The following RGS20 variants were observed in gnomAD, a reference collection of about 807,000 sequenced individuals.
RGS20 encodes the protein regulator of G protein signaling 20.
RGS20 carries 30 observed loss-of-function variants against 33.6 expected under a neutral mutation model. The ratio of observed to expected loss-of-function variants is 0.89; its 90% CI spans 0.67 to 1.21. The LOEUF (loss-of-function observed/expected upper bound fraction) is 1.21, where lower values mean the gene tolerates loss of function less well. Among genes scored for constraint, RGS20 ranks in the 50% most tolerant of loss-of-function variants. The pLI, the probability that RGS20 is intolerant of heterozygous loss-of-function variation, is 0.00. For missense variants in RGS20, 472 were observed against 502.4 expected (o/e 0.94, Z 0.58); for synonymous variants, 208 against 197.9 (o/e 1.05, Z -0.43).
At chr8:53,950,242 G>A (rs563639009) in intron 4 of RGS20, among the ~76,000 whole-genome samples, 1 of 152,278 alleles carries the variant, frequency 6.6e-6, no homozygotes, top group Admixed American at 6.5e-5. Context: ...AAAAATTGAT[G>A]ATTGAAATAG....
Position 53,892,863 on chromosome 8 carries a change from A to G in RGS20, c.510+13261A>G, listed in dbSNP as rs571259375. Reference sequence around the variant, plus strand: ...CACCATTTGAACAATGTTCTTTTAAAAAAACTTAATATAAAAGACCTGTAC... The same window carrying G: ...CACCATTTGAACAATGTTCTTTTAAGAAAACTTAATATAAAAGACCTGTAC... On this transcript the variant is annotated intron_variant, in intron 2 of 5. Coordinates refer to ENST00000297313, the MANE Select transcript of RGS20 (RefSeq NM_170587.4). 8.5e-5 allele frequency among the ~76,000 whole-genome samples: 13 copies of G among 152,282 alleles called. No homozygotes were observed. In the South Asian group the frequency reaches 2.7e-3, roughly 32 times the overall value.
At chr8:53,919,591 T>TC (rs1258389646) in intron 2 of RGS20, among the ~76,000 whole-genome samples, 1 of 151,418 alleles carries the variant, frequency 6.6e-6, no homozygotes, top group Non-Finnish European at 1.5e-5. Flanking sequence ...TAACATTTTT[T>TC]CTTTTTTTTT....
intron 4 of RGS20, among the ~76,000 whole-genome samples, chr8:53,950,389 T>G (rs1814676193): frequency 6.6e-6 from 1 of 152,130 alleles, no homozygotes; most frequent in Admixed American, 6.6e-5. Context: ...AGATTTCAGA[T>G]TTTTTCAGAT....
At chr8:53,925,384 A>G (rs1813762791) in intron 2 of RGS20, among the ~76,000 whole-genome samples, 1 of 149,590 alleles carries the variant, frequency 6.7e-6, no homozygotes, top group African/African-American at 2.4e-5. Flanking sequence ...AACCAGGAGT[A>G]AAAAAAAAAT....
intron 5 of RGS20, among the ~76,000 whole-genome samples, chr8:53,957,889 G>A (rs573915181): frequency 2.0e-5 from 3 of 152,338 alleles, no homozygotes; most frequent in South Asian, 2.1e-4. Flanking sequence ...GCTCATGCCT[G>A]TAATCCCAGC....
chr8:53,867,739 C>T (rs1457957138), intron 1 of RGS20, among the ~76,000 whole-genome samples: 1 of 151,070 alleles, frequency 6.6e-6, no homozygotes, highest in Non-Finnish European at 1.5e-5. Flanking sequence ...TTCTTTCCTT[C>T]TTTCTTTTCC....
intron 1 of RGS20, among the ~76,000 whole-genome samples, chr8:53,871,112 C>CAAAAAA (rs370091533): frequency 3.7e-4 from 8 of 21,466 alleles, no homozygotes; most frequent in African/African-American, 4.4e-4. Context: ...CTCCATCTCA[C>CAAAAAA]AAAAAAAAAA....
intron 2 of RGS20, among the ~76,000 whole-genome samples, chr8:53,900,753 C>T (rs1253466064): frequency 6.6e-6 from 1 of 152,184 alleles, no homozygotes; most frequent in Non-Finnish European, 1.5e-5. Flanking sequence ...CAGGGCTCCT[C>T]TGACTGGACA....
intron 3 of RGS20, among the ~76,000 whole-genome samples, chr8:53,944,473 G>C (rs1212168037): frequency 6.6e-6 from 1 of 151,854 alleles, no homozygotes; most frequent in African/African-American, 2.4e-5. Flanking sequence ...GGGAGGCGGA[G>C]GTTGTAGGGA....
chr8:53,852,044 A>T lies in RGS20; in HGVS notation c.145A>T (p.Arg49Trp), dbSNP rs776794341. 6.2e-7 allele frequency: 1 copy of T among 1,612,660 alleles called. No individual in the cohort carries two copies. Among genetic ancestry groups the T allele is most frequent in the Non-Finnish European group, 8.5e-7 (1 of 1,179,172 alleles). ...AATCACAGAAAATGAAGGAGACCTCAGGGCTGTTCCTGATATCAAGGTAAG... is the reference window on the plus strand; with the variant it reads ...AATCACAGAAAATGAAGGAGACCTCTGGGCTGTTCCTGATATCAAGGTAAG... The change falls in exon 1 of 6, where the codon AGG becomes TGG. Residue 49 changes from arginine (R) to tryptophan (W), a missense_variant. Coordinates refer to ENST00000297313, the MANE Select transcript of RGS20 (RefSeq NM_170587.4).
chr8:53,917,182 T>A lies in RGS20; in HGVS notation c.511-22394T>A, dbSNP rs7824915. On this transcript the variant is annotated intron_variant, in intron 2 of 5. Transcript: ENST00000297313. ...TTGTTTTTGAGATGGAATTTCACTCTTGTTGCCCAGGCTGGAGTGCAGTGG... is the reference window on the plus strand; with the variant it reads ...TTGTTTTTGAGATGGAATTTCACTCATGTTGCCCAGGCTGGAGTGCAGTGG... Among the ~76,000 whole-genome samples the A allele has an allele frequency of 6.5e-3, 985 of 152,278 alleles. 8 individuals carry two copies. The highest frequency in any genetic ancestry group is 0.021 in the African/African-American group (885 of 41,554).
At chr8:53,918,453 A>G (rs189764667) in intron 2 of RGS20, among the ~76,000 whole-genome samples, 1 of 150,950 alleles carries the variant, frequency 6.6e-6, no homozygotes, top group East Asian at 1.9e-4. Context: ...CAATGGTGCA[A>G]TCTCAGCTTG....
chr8:53,928,890 C>A (rs1448931501), intron 2 of RGS20, among the ~76,000 whole-genome samples: 1 of 151,970 alleles, frequency 6.6e-6, no homozygotes, highest in African/African-American at 2.4e-5. Flanking sequence ...TTTTCAGCAA[C>A]CATCAAAAAG....
chr8:53,938,229 T>C (rs1052656166), intron 2 of RGS20, among the ~76,000 whole-genome samples: 1 of 152,210 alleles, frequency 6.6e-6, no homozygotes, highest in Admixed American at 6.5e-5. Flanking sequence ...TCATGTCCTT[T>C]GCAGGGACAT....
chr8:53,939,732 T>G lies in RGS20; in HGVS notation c.659+8T>G, dbSNP rs896769278. On this transcript the variant is annotated splice_region_variant and intron_variant, in intron 3 of 5. Transcript: ENST00000297313. Reference sequence around the variant, plus strand: ...CTGTTGTAGCTGCTCGTGGTAAGGTTTGGGGCTTTTTAATGAATGTGCTCC... The same window carrying G: ...CTGTTGTAGCTGCTCGTGGTAAGGTGTGGGGCTTTTTAATGAATGTGCTCC... 4 of 1,547,862 alleles carry G rather than the reference T, an allele frequency of 2.6e-6. No homozygotes were observed. In the Admixed American group the frequency reaches 6.0e-5, roughly 23 times the overall value.
rs574186245 is a variant in RGS20 at position 53,899,781 on chromosome 8, T to C, written c.510+20179T>C. Among the ~76,000 whole-genome samples, 27 of 152,294 alleles carry C rather than the reference T, an allele frequency of 1.8e-4. 1 individual carries two copies. The South Asian group carries it at 5.6e-3, about 32-fold the overall frequency. On this transcript the variant is annotated intron_variant, in intron 2 of 5. Coordinates refer to ENST00000297313, the MANE Select transcript of RGS20 (RefSeq NM_170587.4). ...AAAGAGAAGAAAAACTTGGTGGTCA[T>C]TTTGCCTCCAGTTCAGAAGACAAAA...
chr8:53,905,199 GA>G (rs1191068214), intron 2 of RGS20, among the ~76,000 whole-genome samples: 4 of 152,120 alleles, frequency 2.6e-5, no homozygotes, highest in Non-Finnish European at 5.9e-5. Flanking sequence ...TCCCCTACTA[GA>G]AAACAATGGA....
Position 53,889,169 on chromosome 8 carries a change from A to G in RGS20, c.510+9567A>G, listed in dbSNP as rs541409756. 9.9e-5 allele frequency among the ~76,000 whole-genome samples: 15 copies of G among 152,252 alleles called. No homozygotes were observed. The East Asian group carries it at 1.9e-3, about 20-fold the overall frequency. On this transcript the variant is annotated intron_variant, in intron 2 of 5. Transcript: ENST00000297313. The stretch of plus-strand genomic sequence containing the variant: ...AGTTTACATCCATCCCCACCAGCAA[A>G]GTGTGTATTGCTTCACATCCTCACC...
intron 1 of RGS20, among the ~76,000 whole-genome samples, chr8:53,871,112 CAAAA>C (rs370091533): frequency 4.7e-5 from 1 of 21,464 alleles, no homozygotes; most frequent in Non-Finnish European, 1.3e-4. Context: ...CTCCATCTCA[CAAAA>C]AAAAAAAAAA....
Sources: gnomAD v4.1 joint callset for allele counts (sites outside exome capture counted in the v4.1 genomes callset) on GRCh38, gnomAD v4.1.1 for gene constraint, MANE v1.5 for transcripts, NCBI Gene and HGNC (gene_info 2026-07-23, HGNC 2026-07-21) for gene names.